The following TRPM3 variants were observed in gnomAD, a reference collection of about 807,000 sequenced individuals.
The protein encoded by TRPM3 is transient receptor potential cation channel subfamily M member 3.
Under a neutral mutation model 181.2 loss-of-function variants are expected in TRPM3, and 77 were observed. The observed-to-expected ratio is 0.42, with a 90% CI of 0.35 to 0.51. The LOEUF (loss-of-function observed/expected upper bound fraction) is 0.51, where lower values mean the gene tolerates loss of function less well. Ranked by LOEUF, TRPM3 falls within the 20% of genes least tolerant of loss-of-function variation. The pLI, the probability that TRPM3 is intolerant of heterozygous loss-of-function variation, is 0.01. For synonymous variants in TRPM3, 745 were observed against 796.4 expected, an observed-to-expected ratio of 0.94 and a Z score of 1.09; for missense variants, 1,759 against 2,196.7, an observed-to-expected ratio of 0.80 and a Z score of 3.98.
At chr9:71,154,623 C>T (rs1045927218) in intron 1 of TRPM3, among the ~76,000 whole-genome samples, 1 of 152,148 alleles carries the variant, frequency 6.6e-6, no homozygotes, top group African/African-American at 2.4e-5. Context: ...GATTTCACTC[C>T]AGGTTTAGAC....
At chr9:70,923,855 C>T (rs2096688118) in intron 1 of TRPM3, among the ~76,000 whole-genome samples, 1 of 143,022 alleles carries the variant, frequency 7.0e-6, no homozygotes, top group Admixed American at 6.9e-5. Flanking sequence ...CACACACACA[C>T]ACATATATAT....
intron 1 of TRPM3, among the ~76,000 whole-genome samples, chr9:70,974,355 C>T (rs12345778): frequency 0.15 from 15,143 of 101,980 alleles, 319 homozygotes; most frequent in Non-Finnish European, 0.16. Context: ...CTGGCTAACA[C>T]GGTGAAACCC....
chr9:71,420,989 G>GGGAGAGAAAAAGAGAGAGAAAA (rs2093756933), intron 1 of TRPM3, among the ~76,000 whole-genome samples: 61 of 101,872 alleles, frequency 6.0e-4, no homozygotes, highest in Middle Eastern at 5.3e-3. Flanking sequence ...GAGAGAAAAA[G>GGGAGAGAAAAAGAGAGAGAAAA]AGAGAGAAAA....
intron 1 of TRPM3, among the ~76,000 whole-genome samples, chr9:71,219,892 T>G (rs1331271323): frequency 6.6e-6 from 1 of 152,176 alleles, no homozygotes; most frequent in Non-Finnish European, 1.5e-5. Context: ...TACAAAATTG[T>G]GTATGTGTGT....
intron 1 of TRPM3, among the ~76,000 whole-genome samples, chr9:70,918,396 TA>T (rs946487838): frequency 6.6e-6 from 1 of 152,074 alleles, no homozygotes; most frequent in Non-Finnish European, 1.5e-5. Flanking sequence ...CTTAAGGCAT[TA>T]AAAAAAGTTG....
chr9:70,775,386 G>T (rs563244285), intron 7 of TRPM3: 1 of 152,230 alleles, frequency 6.6e-6, no homozygotes. Flanking sequence ...GTGACAGCAG[G>T]AAGTGCTTGG....
intron 1 of TRPM3, among the ~76,000 whole-genome samples, chr9:70,888,047 C>G (rs1473832001): frequency 6.6e-6 from 1 of 152,112 alleles, no homozygotes; most frequent in African/African-American, 2.4e-5. Context: ...AGCCTATTTC[C>G]CACGGATATC....
chr9:71,104,031 C>T lies in TRPM3; in HGVS notation c.177+17147G>A, dbSNP rs538784686. On this transcript the variant is annotated intron_variant, in intron 1 of 25. Coordinates refer to ENST00000677713, the MANE Select transcript of TRPM3 (RefSeq NM_001366145.2). ...CCTGGTTCAAGCGATTCTCCTGCCT[C>T]AGCCTCCTGAGTAGCTGGGACTACA... is the stretch of plus-strand genomic sequence containing the variant. Among the ~76,000 whole-genome samples, 280 of 152,198 alleles carry T rather than the reference C, an allele frequency of 1.8e-3. 1 individual carries two copies. The highest frequency in any genetic ancestry group is 6.4e-3 in the African/African-American group (264 of 41,532).
chr9:71,176,774 T>A (rs76832201), intron 1 of TRPM3, among the ~76,000 whole-genome samples: 1 of 152,008 alleles, frequency 6.6e-6, no homozygotes, highest in Non-Finnish European at 1.5e-5. Flanking sequence ...TACAGGAGTT[T>A]TACTGTGTAT....
intron 1 of TRPM3, among the ~76,000 whole-genome samples, chr9:71,347,049 GA>G (rs945343785): frequency 6.6e-5 from 10 of 152,184 alleles, no homozygotes; most frequent in African/African-American, 2.4e-4. Context: ...TCCCAATAAT[GA>G]AAAGGTAAGT....
At chr9:70,651,677 C>T (rs1346774481) in intron 9 of TRPM3, among the ~76,000 whole-genome samples, 1 of 152,240 alleles carries the variant, frequency 6.6e-6, no homozygotes, top group African/African-American at 2.4e-5. Flanking sequence ...ACCCCTTCCT[C>T]CTTCCTCCTG....
At chr9:70,700,958 C>T (rs1263895705) in intron 8 of TRPM3, among the ~76,000 whole-genome samples, 1 of 152,164 alleles carries the variant, frequency 6.6e-6, no homozygotes, top group Non-Finnish European at 1.5e-5. Flanking sequence ...CCACAAAGAA[C>T]ACTTGGAAAA....
At chr9:71,066,989 T>C (rs1490549478) in intron 1 of TRPM3, among the ~76,000 whole-genome samples, 3 of 152,196 alleles carry the variant, frequency 2.0e-5, no homozygotes, top group Non-Finnish European at 4.4e-5. Context: ...TTTCCTTCTA[T>C]TGATTTTAGG....
intron 1 of TRPM3, among the ~76,000 whole-genome samples, chr9:71,230,537 T>G (rs1026615288): frequency 3.9e-5 from 6 of 152,296 alleles, no homozygotes; most frequent in Middle Eastern, 3.4e-3. Flanking sequence ...TGATGTAATT[T>G]TATACATTAT....
chr9:70,965,985 A>G (rs2097180997), intron 1 of TRPM3, among the ~76,000 whole-genome samples: 1 of 151,838 alleles, frequency 6.6e-6, no homozygotes, highest in South Asian at 2.1e-4. Flanking sequence ...TTTGAAAACT[A>G]TGCATCTGAC....
intron 1 of TRPM3, among the ~76,000 whole-genome samples, chr9:70,895,260 T>C (rs2096266029): frequency 6.6e-6 from 1 of 152,192 alleles, no homozygotes; most frequent in South Asian, 2.1e-4. Context: ...GTTTAATGAT[T>C]ACTAACTTTT....
At chr9:70,888,136 A>G (rs941834103) in intron 1 of TRPM3, among the ~76,000 whole-genome samples, 9 of 152,172 alleles carry the variant, frequency 5.9e-5, no homozygotes, top group Non-Finnish European at 2.9e-5. Context: ...CATAGAACCA[A>G]GAAGGCGTAT....
chr9:71,107,300 C>G (rs2069888490), intron 1 of TRPM3, among the ~76,000 whole-genome samples: 1 of 152,128 alleles, frequency 6.6e-6, no homozygotes, highest in Admixed American at 6.6e-5. Context: ...CTGTACTGCA[C>G]CACTGTACTT....
At chr9:70,537,553 G>T in intron 25 of TRPM3, 148 bp from the exon 26 acceptor site, 1 of 555,786 alleles carries the variant, frequency 1.8e-6, no homozygotes, top group Non-Finnish European at 2.7e-6. Context: ...TTGGGGAGGA[G>T]AGAATGACAT....
Sources: allele counts gnomAD v4.1 joint callset (sites outside exome capture counted in the v4.1 genomes callset), GRCh38; gene constraint gnomAD v4.1.1; transcripts MANE v1.5; gene names NCBI Gene and HGNC (gene_info 2026-07-23, HGNC 2026-07-21).